Variants in KCNH5 observed in about 807,000 individuals in gnomAD.
KCNH5 encodes potassium voltage-gated channel subfamily H member 5.
Under a neutral mutation model 96.1 loss-of-function variants are expected in KCNH5, and 46 were observed. That is an observed-to-expected ratio of 0.48 (90% CI 0.38 to 0.61). The LOEUF (loss-of-function observed/expected upper bound fraction) is 0.61. Among genes scored for constraint, KCNH5 ranks in the 20% least tolerant of loss-of-function variants. The probability of loss-of-function intolerance (pLI) is 0.00; values close to 1 mark genes in which losing one functional copy is unlikely to be tolerated. For missense variants in KCNH5, 907 were observed against 1,225.8 expected (o/e 0.74, Z 3.88); for synonymous variants, 439 against 449.8 (o/e 0.98, Z 0.30).
intron 6 of KCNH5, among the ~76,000 whole-genome samples, chr14:62,959,012 C>T (rs1299315466): frequency 6.6e-6 from 1 of 152,034 alleles, no homozygotes; most frequent in Non-Finnish European, 1.5e-5. Flanking sequence ...CCTCACCCTC[C>T]TAAATCAGCT....
chr14:62,970,225 T>A (rs1267041544), intron 6 of KCNH5, among the ~76,000 whole-genome samples: 1 of 151,962 alleles, frequency 6.6e-6, no homozygotes, highest in East Asian at 1.9e-4. Context: ...GCCCACAGAT[T>A]TGATAAATCT....
At chr14:62,904,017 A>G (rs565408441) in intron 7 of KCNH5, among the ~76,000 whole-genome samples, 1 of 152,314 alleles carries the variant, frequency 6.6e-6, no homozygotes, top group Non-Finnish European at 1.5e-5. Flanking sequence ...CTTTGGTTCA[A>G]TTAAGAGTGT....
At chr14:62,997,190 A>G (rs1047258221) in intron 4 of KCNH5, among the ~76,000 whole-genome samples, 5 of 152,356 alleles carry the variant, frequency 3.3e-5, no homozygotes, top group African/African-American at 1.2e-4. Flanking sequence ...AAACAATCCA[A>G]TTAAACTCTT....
At chr14:62,877,190 A>G (rs1488248365) in intron 7 of KCNH5, among the ~76,000 whole-genome samples, 3 of 152,044 alleles carry the variant, frequency 2.0e-5, no homozygotes, top group Non-Finnish European at 4.4e-5. Flanking sequence ...TACAAAAATT[A>G]ATTCAAGATG....
At chr14:62,810,685 T>C (rs1303689708) in intron 8 of KCNH5, among the ~76,000 whole-genome samples, 3 of 152,054 alleles carry the variant, frequency 2.0e-5, no homozygotes, top group Non-Finnish European at 4.4e-5. Flanking sequence ...AGTTACTCTA[T>C]ATGGTCTAAA....
intron 8 of KCNH5, among the ~76,000 whole-genome samples, chr14:62,827,293 C>T (rs1230045612): frequency 5.3e-5 from 8 of 152,212 alleles, no homozygotes; most frequent in Admixed American, 2.0e-4. Flanking sequence ...ACCCAAAGTA[C>T]GGTTTGTGAG....
At chr14:63,024,610 C>A (rs190923488) in intron 1 of KCNH5, among the ~76,000 whole-genome samples, 5 of 152,104 alleles carry the variant, frequency 3.3e-5, no homozygotes, top group Middle Eastern at 3.4e-3. Flanking sequence ...ACTGATACCA[C>A]AGAAATACAA....
At chr14:62,826,756 C>T (rs1488104234) in intron 8 of KCNH5, among the ~76,000 whole-genome samples, 1 of 151,916 alleles carries the variant, frequency 6.6e-6, no homozygotes, top group East Asian at 1.9e-4. Context: ...ATGTGGTTAT[C>T]TCTTTTCTCT....
intron 8 of KCNH5, among the ~76,000 whole-genome samples, chr14:62,839,697 AT>A (rs1348098097): frequency 6.6e-6 from 1 of 152,156 alleles, no homozygotes; most frequent in Non-Finnish European, 1.5e-5. Context: ...AGACCATTTA[AT>A]ATTATTAATT....
At chr14:62,744,943 G>A (rs916533558) in intron 10 of KCNH5, among the ~76,000 whole-genome samples, 2 of 152,164 alleles carry the variant, frequency 1.3e-5, no homozygotes, top group Admixed American at 1.3e-4. Context: ...AGGACTGTCT[G>A]GCATGAGGAG....
At chr14:62,963,713 C>T (rs944547897) in intron 6 of KCNH5, among the ~76,000 whole-genome samples, 2 of 152,106 alleles carry the variant, frequency 1.3e-5, no homozygotes, top group African/African-American at 2.4e-5. Context: ...GATCCAAGTG[C>T]TATTCTCAGC....
intron 6 of KCNH5, among the ~76,000 whole-genome samples, chr14:62,967,158 G>C (rs1890320156): frequency 6.6e-6 from 1 of 152,084 alleles, no homozygotes; most frequent in Non-Finnish European, 1.5e-5. Context: ...CATCATTCAA[G>C]GAACCCATAA....
At chr14:62,755,483 G>A (rs1307513112) in intron 10 of KCNH5, among the ~76,000 whole-genome samples, 1 of 152,144 alleles carries the variant, frequency 6.6e-6, no homozygotes, top group Non-Finnish European at 1.5e-5. Context: ...TGGCTTCACA[G>A]TTGAATTTTA....
At chr14:62,847,941 T>C (rs946366822) in intron 8 of KCNH5, among the ~76,000 whole-genome samples, 8 of 152,364 alleles carry the variant, frequency 5.3e-5, no homozygotes, top group East Asian at 1.9e-4. Context: ...CAGTTAAGCA[T>C]GTCCTCAAGG....
intron 7 of KCNH5, among the ~76,000 whole-genome samples, chr14:62,850,134 T>G (rs1016566577): frequency 3.9e-5 from 6 of 152,168 alleles, no homozygotes; most frequent in African/African-American, 1.4e-4. Context: ...GTTATAATTT[T>G]CTGAAGAATC....
At chr14:62,800,581 A>G (rs1479765268) in intron 9 of KCNH5, among the ~76,000 whole-genome samples, 1 of 152,184 alleles carries the variant, frequency 6.6e-6, no homozygotes, top group Non-Finnish European at 1.5e-5. Context: ...GAGGGTTATC[A>G]TGATATTACA....
chr14:62,987,527 C>T (rs1367006452), intron 4 of KCNH5, among the ~76,000 whole-genome samples: 1 of 152,184 alleles, frequency 6.6e-6, no homozygotes, highest in East Asian at 1.9e-4. Context: ...GAACATACTT[C>T]CCAGAATTTC....
At chr14:63,003,540 A>ATATATT (rs1891059763) in intron 3 of KCNH5, among the ~76,000 whole-genome samples, 2 of 108,954 alleles carry the variant, frequency 1.8e-5, no homozygotes, top group Admixed American at 9.9e-5. Context: ...TATATTATAT[A>ATATATT]TTATATATAG....
At chr14:62,826,624 T>C (rs1382337779) in intron 8 of KCNH5, among the ~76,000 whole-genome samples, 1 of 152,042 alleles carries the variant, frequency 6.6e-6, no homozygotes, top group Non-Finnish European at 1.5e-5. Context: ...AAGATGTATA[T>C]TGTAATGTAT....
Sources: gnomAD v4.1 joint callset for allele counts (sites outside exome capture counted in the v4.1 genomes callset) on GRCh38, gnomAD v4.1.1 for gene constraint, MANE v1.5 for transcripts, NCBI Gene and HGNC (gene_info 2026-07-23, HGNC 2026-07-21) for gene names.